NALF1: variants seen among roughly 807,000 people sequenced by gnomAD.
The protein encoded by NALF1 is family with sequence similarity 155 member A.
In NALF1, 3 loss-of-function variants were observed where a neutral mutation model predicts 48.4. The ratio of observed to expected loss-of-function variants is 0.06; its 90% CI spans 0.03 to 0.16. The LOEUF (loss-of-function observed/expected upper bound fraction) is 0.16. Ranked by LOEUF, NALF1 falls within the 10% of genes least tolerant of loss-of-function variation. NALF1 has a pLI of 1.00. For missense variants in NALF1, 526 were observed against 571.5 expected, an observed-to-expected ratio of 0.92 and a Z score of 0.81; for synonymous variants, 262 against 245.7, an observed-to-expected ratio of 1.07 and a Z score of -0.62.
At chr13:107,548,193 G>C (rs1380275624) in intron 1 of NALF1, among the ~76,000 whole-genome samples, 1 of 152,010 alleles carries the variant, frequency 6.6e-6, no homozygotes, top group East Asian at 1.9e-4. Flanking sequence ...TCATCATTTA[G>C]CTCCCACTTA....
At position 107,669,707 on chromosome 13, in the gene NALF1, G is replaced by A. The variant is rs186649941; in HGVS notation, c.915+195975C>T. Among the ~76,000 whole-genome samples, 30 of 152,212 alleles carry A rather than the reference G, an allele frequency of 2.0e-4. No homozygotes were observed. In the Middle Eastern group the frequency reaches 0.014, roughly 69 times the overall value. ...AATAGTGTTTTCTGTTGATGTTCAT[G>A]TGCTCATTGTAGTAACTAAAAAATA... On this transcript the variant is annotated intron_variant, in intron 1 of 2. Coordinates refer to ENST00000375915, the MANE Select transcript of NALF1 (RefSeq NM_001080396.3).
rs375895267 is a variant in NALF1 at position 107,782,506 on chromosome 13, G to C, written c.915+83176C>G. On this transcript the variant is annotated intron_variant, in intron 1 of 2. Transcript: ENST00000375915. ...TAGGAAGTGAGGAGCGTCTCTGCCT[G>C]GCCGCCCATCGTTTGGGATGTTAGG... Among the ~76,000 whole-genome samples, 300 of 151,614 alleles carry C rather than the reference G, an allele frequency of 2.0e-3. 9 individuals are homozygous for C. In the East Asian group the frequency reaches 0.05, roughly 26 times the overall value.
intron 1 of NALF1, among the ~76,000 whole-genome samples, chr13:107,243,510 C>T (rs950401530): frequency 5.3e-5 from 8 of 152,196 alleles, no homozygotes; most frequent in Non-Finnish European, 1.0e-4. Context: ...CAAACCCTAT[C>T]TCTAAAAGAC....
At chr13:107,295,142 C>G (rs1393141721) in intron 1 of NALF1, among the ~76,000 whole-genome samples, 1 of 152,136 alleles carries the variant, frequency 6.6e-6, no homozygotes, top group East Asian at 1.9e-4. Context: ...ACCCTTGTCC[C>G]CTTCCCCACT....
intron 1 of NALF1, among the ~76,000 whole-genome samples, chr13:107,726,197 T>C (rs1487324463): frequency 6.6e-6 from 1 of 152,242 alleles, no homozygotes; most frequent in African/African-American, 2.4e-5. Flanking sequence ...TTCATCTTTA[T>C]CTTTTTGATG....
chr13:107,491,209 A>G (rs189791356), intron 1 of NALF1, among the ~76,000 whole-genome samples: 1 of 152,318 alleles, frequency 6.6e-6, no homozygotes, highest in Admixed American at 6.5e-5. Context: ...GTGGCAGACC[A>G]GGTTCAGAAC....
chr13:107,847,643 G>A (rs973536686), intron 1 of NALF1, among the ~76,000 whole-genome samples: 5 of 152,288 alleles, frequency 3.3e-5, no homozygotes, highest in Middle Eastern at 3.4e-3. Context: ...CACAGACAGC[G>A]AACAGCTGAG....
chr13:107,348,537 T>C (rs1183310669), intron 1 of NALF1, among the ~76,000 whole-genome samples: 1 of 152,122 alleles, frequency 6.6e-6, no homozygotes, highest in East Asian at 1.9e-4. Flanking sequence ...CAACCTGTCG[T>C]CTAGGTTTTA....
At chr13:107,211,555 A>C (rs1879762323) in intron 1 of NALF1, among the ~76,000 whole-genome samples, 1 of 152,208 alleles carries the variant, frequency 6.6e-6, no homozygotes, top group Non-Finnish European at 1.5e-5. Context: ...AACATTGAAA[A>C]AATTGCCTTT....
intron 1 of NALF1, among the ~76,000 whole-genome samples, chr13:107,403,163 T>C (rs9301219): frequency 0.57 from 80,387 of 139,934 alleles, 23,495 homozygotes; most frequent in African/African-American, 0.63. Flanking sequence ...TAGTACTCAC[T>C]TCTGCTTGGT....
chr13:107,657,302 C>T (rs1880608407), intron 1 of NALF1, among the ~76,000 whole-genome samples: 1 of 152,096 alleles, frequency 6.6e-6, no homozygotes, highest in African/African-American at 2.4e-5. Flanking sequence ...ACAGGTACTA[C>T]AAATATTTCT....
At chr13:107,782,133 C>T (rs896766789) in intron 1 of NALF1, among the ~76,000 whole-genome samples, 4 of 152,306 alleles carry the variant, frequency 2.6e-5, no homozygotes, top group South Asian at 4.1e-4. Flanking sequence ...GCCGCCATCT[C>T]GGCTCACTGC....
chr13:107,632,917 A>C (rs896252368), intron 1 of NALF1, among the ~76,000 whole-genome samples: 1 of 151,894 alleles, frequency 6.6e-6, no homozygotes, highest in Non-Finnish European at 1.5e-5. Context: ...ATGAAAAAAA[A>C]AAAAAAGGAA....
At chr13:107,559,141 A>G (rs1877567111) in intron 1 of NALF1, among the ~76,000 whole-genome samples, 1 of 152,154 alleles carries the variant, frequency 6.6e-6, no homozygotes, top group Non-Finnish European at 1.5e-5. Context: ...TACACACCCC[A>G]TGTGGAGGAG....
At chr13:107,748,046 C>G (rs1876833422) in intron 1 of NALF1, among the ~76,000 whole-genome samples, 1 of 152,132 alleles carries the variant, frequency 6.6e-6, no homozygotes, top group Non-Finnish European at 1.5e-5. Flanking sequence ...GTTTTTCATT[C>G]TAACGTAACA....
intron 1 of NALF1, among the ~76,000 whole-genome samples, chr13:107,668,021 T>C (rs972052802): frequency 4.6e-5 from 7 of 152,134 alleles, no homozygotes; most frequent in Non-Finnish European, 1.0e-4. Context: ...TGTGGAAATT[T>C]ATATCAATTA....
intron 1 of NALF1, among the ~76,000 whole-genome samples, chr13:107,249,180 CA>C (rs1880643727): frequency 6.6e-6 from 1 of 151,886 alleles, no homozygotes; most frequent in African/African-American, 2.4e-5. Flanking sequence ...AGATTACTAT[CA>C]AAGCAAAATT....
chr13:107,240,545 A>G (rs141363028), intron 1 of NALF1, among the ~76,000 whole-genome samples: 136 of 152,334 alleles, frequency 8.9e-4, no homozygotes, highest in African/African-American at 3.2e-3. Flanking sequence ...AATAACTGAG[A>G]AAACTGAGAT....
chr13:107,310,801 C>T lies in NALF1; in HGVS notation c.916-100046G>A, dbSNP rs147112141. On this transcript the variant is annotated intron_variant, in intron 1 of 2. Transcript: ENST00000375915. ...CAAGTGATTCTCCTGTCTTAGTCTG[C>T]AAAGTAGCTGGGACTACCGGCACCC... 5.9e-3 allele frequency among the ~76,000 whole-genome samples: 898 copies of T among 152,162 alleles called. 9 individuals carry two copies. Among genetic ancestry groups the T allele is most frequent in the African/African-American group, 0.02 (845 of 41,514 alleles).
Sources: allele counts gnomAD v4.1 joint callset (sites outside exome capture counted in the v4.1 genomes callset), GRCh38; gene constraint gnomAD v4.1.1; transcripts MANE v1.5; gene names NCBI Gene and HGNC (gene_info 2026-07-23, HGNC 2026-07-21).